The following PTPRQ variants were observed in gnomAD, a reference collection of about 807,000 sequenced individuals.
PTPRQ encodes protein tyrosine phosphatase receptor type Q.
PTPRQ carries 199 observed loss-of-function variants against 246.0 expected under a neutral mutation model. The observed-to-expected ratio is 0.81, with a 90% confidence interval of 0.72 to 0.91. The LOEUF (loss-of-function observed/expected upper bound fraction) is 0.91, where lower values mean the gene tolerates loss of function less well. Among genes scored for constraint, PTPRQ ranks in the 40% least tolerant of loss-of-function variants. The probability of loss-of-function intolerance (pLI) is 0.00; values close to 1 mark genes in which losing one functional copy is unlikely to be tolerated. For synonymous variants in PTPRQ, 869 were observed against 853.2 expected (o/e 1.02, Z -0.32); for missense variants, 2,624 against 2,528.4 (o/e 1.04, Z -0.81).
At chr12:80,665,524 A>G (rs756735733) in intron 39 of PTPRQ, among the ~76,000 whole-genome samples, 1 of 151,994 alleles carries the variant, frequency 6.6e-6, no homozygotes, top group Non-Finnish European at 1.5e-5. Context: ...GTCCAATGTG[A>G]GTTTTTTATT....
chr12:80,598,941 G>A (rs1002068060), intron 26 of PTPRQ, among the ~76,000 whole-genome samples: 2 of 151,990 alleles, frequency 1.3e-5, no homozygotes, highest in African/African-American at 2.4e-5. Context: ...GGGATCTGCA[G>A]ATGGCAAAGT....
intron 39 of PTPRQ, among the ~76,000 whole-genome samples, chr12:80,663,390 AGT>A (rs1210120523): frequency 6.6e-6 from 1 of 151,874 alleles, no homozygotes; most frequent in Non-Finnish European, 1.5e-5. Context: ...CTTGCTCACC[AGT>A]GGGTCTGCAT....
In PTPRQ at chr12:80,649,772, C is replaced by T. The variant is rs1273695613; in HGVS notation, c.6024+103C>T. 5.7e-6 allele frequency: 8 copies of T among 1,409,900 alleles called. No homozygotes were observed. The East Asian group carries it at 1.3e-4, about 23-fold the overall frequency. The allele number at this position is 1,409,900 out of a possible 1,614,324, so 87.3% of individuals were successfully genotyped here. A position where few individuals can be genotyped will look rare whatever the true frequency, so the allele number is the denominator to read the frequency against. On this transcript the variant is annotated intron_variant, in intron 37 of 44. Transcript: ENST00000644991. ...AAGCAAGGCCATGAAGGACTCTGGC[C>T]TTGATAATCAATACCCAATTACCAG... is the stretch of plus-strand genomic sequence containing the variant.
intron 26 of PTPRQ, among the ~76,000 whole-genome samples, chr12:80,589,403 A>G (rs1047350130): frequency 9.9e-5 from 15 of 152,184 alleles, no homozygotes; most frequent in African/African-American, 3.6e-4. Flanking sequence ...TTATGTTATC[A>G]TCTTCCTATC....
At chr12:80,583,280 T>C (rs929837241) in intron 25 of PTPRQ, among the ~76,000 whole-genome samples, 4 of 152,232 alleles carry the variant, frequency 2.6e-5, no homozygotes, top group Non-Finnish European at 5.9e-5. Flanking sequence ...AAATCTGTTA[T>C]GTACATTGAC....
At chr12:80,605,441 C>A (rs988492573) in intron 27 of PTPRQ, among the ~76,000 whole-genome samples, 7 of 151,040 alleles carry the variant, frequency 4.6e-5, no homozygotes, top group Non-Finnish European at 8.9e-5. Context: ...ATATTAGTAA[C>A]ATTATTATAA....
chr12:80,588,387 C>T lies in PTPRQ; in HGVS notation c.4544C>T (p.Ala1515Val). 6.5e-7 allele frequency: 1 copy of T among 1,530,076 alleles called. No individual in the cohort carries two copies. The highest frequency in any genetic ancestry group is 8.8e-7 in the Non-Finnish European group (1 of 1,135,580). 94.8% of individuals were successfully genotyped at this position (1,530,076 alleles called of 1,614,324 possible). The change falls in exon 26 of 45, where the codon GCT becomes GTT. Residue 1515 changes from alanine to valine, a missense_variant. Transcript: ENST00000644991. ...KKFRWYRFQVAASTNAGYGNA... is the reference protein window; with the variant it reads ...KKFRWYRFQVVASTNAGYGNA... ...TTTAGATGGTATAGATTCCAAGTGG[C>T]TGCCAGCACCAATGCTGGCTATGGC...
At chr12:80,628,209 A>T (rs77891700) in intron 33 of PTPRQ, among the ~76,000 whole-genome samples, 3 of 152,150 alleles carry the variant, frequency 2.0e-5, no homozygotes, top group Non-Finnish European at 4.4e-5. Context: ...GTATAAAAAA[A>T]TGTACCTAAA....
intron 23 of PTPRQ, among the ~76,000 whole-genome samples, chr12:80,543,393 C>T (rs1028277942): frequency 1.3e-5 from 2 of 151,706 alleles, no homozygotes; most frequent in African/African-American, 4.8e-5. Flanking sequence ...ATTTTCCCTC[C>T]TCCATTTTTG....
At chr12:80,590,956 T>C (rs1004786725) in intron 26 of PTPRQ, among the ~76,000 whole-genome samples, 6 of 152,080 alleles carry the variant, frequency 3.9e-5, no homozygotes, top group African/African-American at 1.4e-4. Flanking sequence ...TCTTATAACG[T>C]AGATCTTTAC....
intron 35 of PTPRQ, among the ~76,000 whole-genome samples, chr12:80,643,221 T>C (rs1332927227): frequency 2.0e-5 from 3 of 152,022 alleles, no homozygotes; most frequent in East Asian, 3.9e-4. Context: ...GTAGATCCCC[T>C]GAGGTCAGGA....
chr12:80,484,657 C>T (rs907389130), intron 9 of PTPRQ, 52 bp downstream of exon 9: 4 of 1,525,946 alleles, frequency 2.6e-6, no homozygotes, highest in African/African-American at 2.8e-5. Context: ...TTGGTTCTGG[C>T]TCTGATAGCT....
At chr12:80,535,318 A>C (rs1014439924) in intron 19 of PTPRQ, among the ~76,000 whole-genome samples, 8 of 152,162 alleles carry the variant, frequency 5.3e-5, no homozygotes, top group African/African-American at 1.9e-4. Flanking sequence ...TTCTGTTTAT[A>C]AAGATGGCCC....
At chr12:80,535,963 C>T (rs999025565) in intron 19 of PTPRQ, among the ~76,000 whole-genome samples, 1 of 152,132 alleles carries the variant, frequency 6.6e-6, no homozygotes, top group African/African-American at 2.4e-5. Context: ...AAAAATTAGC[C>T]AGGCGTCGTG....
chr12:80,499,333 C>A (rs1814255486), intron 14 of PTPRQ, among the ~76,000 whole-genome samples: 1 of 151,900 alleles, frequency 6.6e-6, no homozygotes, highest in African/African-American at 2.4e-5. Flanking sequence ...GCATTTTCCA[C>A]CTGGATGAAA....
chr12:80,532,374 C>A (rs1895869385), intron 17 of PTPRQ, among the ~76,000 whole-genome samples: 2 of 152,000 alleles, frequency 1.3e-5, no homozygotes, highest in Admixed American at 6.6e-5. Flanking sequence ...GGTCTGCCCA[C>A]CACGCAGGGC....
intron 38 of PTPRQ, among the ~76,000 whole-genome samples, chr12:80,654,693 C>CAA (rs57224729): frequency 1.7e-3 from 195 of 112,076 alleles, no homozygotes; most frequent in Middle Eastern, 4.3e-3. Context: ...ACTAAAAATC[C>CAA]AAAAAAAAAA....
chr12:80,530,574 TA>T (rs557810183), intron 17 of PTPRQ, among the ~76,000 whole-genome samples: 27 of 152,164 alleles, frequency 1.8e-4, no homozygotes, highest in Non-Finnish European at 3.8e-4. Context: ...AAATGAAATA[TA>T]AAAAACCATA....
chr12:80,668,361 G>C (rs1900854406), intron 39 of PTPRQ, among the ~76,000 whole-genome samples: 1 of 151,880 alleles, frequency 6.6e-6, no homozygotes. Context: ...TACTGTATTA[G>C]CAAAATGAAA....
Sources: gnomAD v4.1 joint callset for allele counts (sites outside exome capture counted in the v4.1 genomes callset) on GRCh38, gnomAD v4.1.1 for gene constraint, MANE v1.5 for transcripts, NCBI Gene and HGNC (gene_info 2026-07-23, HGNC 2026-07-21) for gene names.